Variants in PADI1 observed in about 807,000 individuals in gnomAD.
The protein encoded by PADI1 is peptidyl arginine deiminase 1.
Under a neutral mutation model 74.8 loss-of-function variants are expected in PADI1, and 65 were observed. The observed-to-expected ratio is 0.87, with a 90% CI of 0.71 to 1.07. The LOEUF is 1.07. Ranked by LOEUF, PADI1 falls within the 50% of genes least tolerant of loss-of-function variation. PADI1 has a pLI of 0.00. For missense variants in PADI1, 943 were observed against 854.0 expected, an observed-to-expected ratio of 1.10 and a Z score of -1.30; for synonymous variants, 371 against 336.2, an observed-to-expected ratio of 1.10 and a Z score of -1.13.
intron 8 of PADI1, 37 bp from the exon 9 acceptor site, chr1:17,230,048 G>A: frequency 6.3e-7 from 1 of 1,596,796 alleles, no homozygotes; most frequent in Non-Finnish European, 8.5e-7. Flanking sequence ...CACAGTCAGA[G>A]GCCATTAGCA....
Position 17,237,435 on chromosome 1 carries a change from T to A in PADI1, c.1435T>A (p.Phe479Ile). 6.2e-7 allele frequency: 1 copy of A among 1,612,634 alleles called. No individual in the cohort carries two copies. Among genetic ancestry groups the A allele is most frequent in the South Asian group, 1.1e-5 (1 of 90,938 alleles). Residue 479 changes from phenylalanine (F) to isoleucine (I), a missense_variant, in exon 12 of 16, where the codon TTT becomes ATT. Transcript: ENST00000375471. ...GGGCCATGTGGACGAGTTTCTGACC[T>A]TTGTGCCTACCTCTGACCAAAAGGT... ...SVGHVDEFLT[F>I]VPTSDQKGFR... is the part of the protein sequence containing the mutation.
chr1:17,223,062 C>T (rs1401370992), intron 2 of PADI1, among the ~76,000 whole-genome samples: 1 of 152,180 alleles, frequency 6.6e-6, no homozygotes, highest in African/African-American at 2.4e-5. Flanking sequence ...CAGACCCCAC[C>T]TCCTCTGCTT....
At position 17,230,593 on chromosome 1, in the gene PADI1, A is replaced by G; in HGVS notation, c.1075A>G (p.Ile359Val). ...WIQDEMEFGY[I>V]EAPHKSFPVV... Reference sequence around the variant, plus strand: ...CCAGGACGAGATGGAGTTTGGCTACATCGAGGCCCCTCACAAATCCTTCCC... The same window carrying G: ...CCAGGACGAGATGGAGTTTGGCTACGTCGAGGCCCCTCACAAATCCTTCCC... The change falls in exon 10 of 16, where the codon ATC (isoleucine) becomes GTC (valine). Residue 359 changes from isoleucine (I) to valine (V), a missense_variant. By Grantham distance (29) the Ile-to-Val change is conservative (BLOSUM62 3). Transcript: ENST00000375471. 1 of 1,611,678 alleles carries G rather than the reference A, an allele frequency of 6.2e-7. No individual in the cohort carries two copies. The highest frequency in any genetic ancestry group is 8.5e-7 in the Non-Finnish European group (1 of 1,178,876).
chr1:17,238,838 TC>T (rs1015422350), intron 13 of PADI1, 129 bp downstream of exon 13: 5 of 450,810 alleles, frequency 1.1e-5, no homozygotes, highest in Non-Finnish European at 2.0e-5. Context: ...GTTTCTTGGG[TC>T]CCCAGGTCCT....
intron 3 of PADI1, 150 bp downstream of exon 3, chr1:17,223,843 T>A: frequency 1.5e-6 from 1 of 668,986 alleles, no homozygotes; most frequent in Non-Finnish European, 2.6e-6. Flanking sequence ...TTCTGTCCAC[T>A]CTGGAACCAC....
At chr1:17,239,641 C>T in intron 13 of PADI1, 63 bp from the exon 14 acceptor site, 1 of 1,239,202 alleles carries the variant, frequency 8.1e-7, no homozygotes, top group Non-Finnish European at 1.2e-6. Context: ...TATGTAGCCC[C>T]AGGCTGAAGA....
intron 1 of PADI1, among the ~76,000 whole-genome samples, chr1:17,218,360 C>A (rs1330721557): frequency 1.3e-5 from 2 of 152,166 alleles, no homozygotes; most frequent in Non-Finnish European, 2.9e-5. Context: ...AACCCCCCCA[C>A]TCCAGAGAGC....
intron 11 of PADI1, among the ~76,000 whole-genome samples, chr1:17,234,763 G>A (rs1291612878): frequency 1.3e-5 from 2 of 152,152 alleles, no homozygotes; most frequent in East Asian, 1.9e-4. Context: ...GAGATTTAGA[G>A]TCTAATGAGG....
chr1:17,217,988 A>G (rs1335193090), intron 1 of PADI1, among the ~76,000 whole-genome samples: 1 of 152,260 alleles, frequency 6.6e-6, no homozygotes, highest in Non-Finnish European at 1.5e-5. Context: ...ATCCTAGATG[A>G]ATGAATGAAG....
At position 17,245,925 on chromosome 1, in the gene PADI1, C is replaced by A. The variant is rs75330410; in HGVS notation, c.*1682C>A. 0.032 allele frequency: 4,843 copies of A among 152,348 alleles called. 83 individuals are homozygous for A. The highest frequency in any genetic ancestry group is 0.041 in the Middle Eastern group (12 of 294). 9.4% of individuals were successfully genotyped at this position (152,348 alleles called of 1,614,324 possible). Reference sequence around the variant, plus strand: ...GAGTTGCTGCTGGGCCATCGAGGGGCCCTGGTGTTGGCTCTGAGAATGTTC... The same window carrying A: ...GAGTTGCTGCTGGGCCATCGAGGGGACCTGGTGTTGGCTCTGAGAATGTTC... On this transcript the variant is annotated 3_prime_UTR_variant, in exon 16 of 16. Transcript: ENST00000375471. This position sits in a 1 kb window ranked among gnomAD's most constrained non-coding sequence, Gnocchi z 4.1.
chr1:17,209,116 T>C (rs925774693), intron 1 of PADI1, among the ~76,000 whole-genome samples: 3 of 152,208 alleles, frequency 2.0e-5, no homozygotes, highest in Non-Finnish European at 4.4e-5. Flanking sequence ...CGAAAACTTG[T>C]GGTATGTGTA....
At position 17,245,448 on chromosome 1, in the gene PADI1, C is replaced by A. The variant is rs946194918; in HGVS notation, c.*1205C>A. 14 of 152,528 alleles carry A rather than the reference C, an allele frequency of 9.2e-5. No individual in the cohort carries two copies. The highest frequency in any genetic ancestry group is 3.1e-4 in the African/African-American group (13 of 41,408). 9.4% of individuals were successfully genotyped at this position (152,528 alleles called of 1,614,324 possible). The stretch of plus-strand genomic sequence containing the variant: ...GCACAGGCAGGCTGGTTCAGCTGGG[C>A]TGCAGGGCACGGGCAGGAGGAAGCC... On this transcript the variant is annotated 3_prime_UTR_variant, in exon 16 of 16. Coordinates refer to ENST00000375471, the MANE Select transcript of PADI1 (RefSeq NM_013358.3). The surrounding 1 kb of genome is among the most constrained non-coding windows in gnomAD (Gnocchi z 4.1).
At chr1:17,222,032 C>T (rs3003480) in intron 1 of PADI1, among the ~76,000 whole-genome samples, 128,270 of 152,134 alleles carry the variant, frequency 0.84, 54,254 homozygotes, top group East Asian at 0.98. Flanking sequence ...GTTAGTGGAT[C>T]TCTGTTGAGC....
intron 1 of PADI1, among the ~76,000 whole-genome samples, chr1:17,216,957 T>C (rs2071993939): frequency 6.6e-6 from 1 of 151,434 alleles, no homozygotes; most frequent in Non-Finnish European, 1.5e-5. Flanking sequence ...TCTAACCATA[T>C]TGATGTGGCA....
Position 17,239,643 on chromosome 1 carries a change from G to A in PADI1, c.1553-61G>A. The A allele has an allele frequency of 3.2e-6, 4 of 1,259,590 alleles. No homozygotes were observed. In the South Asian group the frequency reaches 4.8e-5, roughly 15 times the overall value. The allele number at this position is 1,259,590 out of a possible 1,614,324, so 78.0% of individuals were successfully genotyped here. A position where few individuals can be genotyped will look rare whatever the true frequency, so the allele number is the denominator to read the frequency against. On this transcript the variant is annotated intron_variant, in intron 13 of 15. Coordinates refer to ENST00000375471, the MANE Select transcript of PADI1 (RefSeq NM_013358.3). Reference sequence around the variant, plus strand: ...TCCTGGCCTGGATTATGTAGCCCCAGGCTGAAGACGGCCTCCAGGCAGTGC... The same window carrying A: ...TCCTGGCCTGGATTATGTAGCCCCAAGCTGAAGACGGCCTCCAGGCAGTGC...
intron 1 of PADI1, among the ~76,000 whole-genome samples, chr1:17,220,214 A>G (rs1406561194): frequency 6.6e-6 from 1 of 151,974 alleles, no homozygotes; most frequent in Non-Finnish European, 1.5e-5. Context: ...AATGGGGATT[A>G]TAATCTTTGC....
Position 17,222,566 on chromosome 1 carries a change from A to T in PADI1, c.273+96A>T, listed in dbSNP as rs148980244. On this transcript the variant is annotated intron_variant, in intron 2 of 15. Transcript: ENST00000375471. The stretch of plus-strand genomic sequence containing the variant: ...GGCAATTCCCATTCCAAAGCTCCCC[A>T]CTTAACCAAACCTCACAAAGCTTAT... 45 of 910,638 alleles carry T rather than the reference A, an allele frequency of 4.9e-5. No homozygotes were observed. The East Asian group carries it at 1.1e-3, about 22-fold the overall frequency. 56.4% of individuals were successfully genotyped at this position (910,638 alleles called of 1,614,324 possible). A position where few individuals can be genotyped will look rare whatever the true frequency, so the allele number is the denominator to read the frequency against.
chr1:17,222,573 C>T, intron 2 of PADI1, 103 bp downstream of exon 2: 1 of 858,190 alleles, frequency 1.2e-6, no homozygotes, highest in Non-Finnish European at 1.9e-6. Context: ...CCCACTTAAC[C>T]AAACCTCACA....
At chr1:17,235,454 G>A (rs2072618985) in intron 11 of PADI1, among the ~76,000 whole-genome samples, 1 of 152,174 alleles carries the variant, frequency 6.6e-6, no homozygotes, top group South Asian at 2.1e-4. Context: ...GGACCGGTAG[G>A]ACCTCAGGCA....
Sources: allele counts gnomAD v4.1 joint callset (sites outside exome capture counted in the v4.1 genomes callset), GRCh38; gene constraint gnomAD v4.1.1; non-coding constraint Gnocchi (gnomAD v3.1); transcripts MANE v1.5; gene names NCBI Gene and HGNC (gene_info 2026-07-23, HGNC 2026-07-21).